The following AADACL4 variants were observed in gnomAD, a reference collection of about 807,000 sequenced individuals.
The protein encoded by AADACL4 is arylacetamide deacetylase like 4, also known as arylacetamide deacetylase-like 4.
AADACL4 carries 9 observed loss-of-function variants against 14.1 expected under a neutral mutation model. The observed-to-expected ratio is 0.64, with a 90% confidence interval of 0.39 to 1.12. AADACL4 has a LOEUF of 1.12. Among genes scored for constraint, AADACL4 ranks in the 50% most tolerant of loss-of-function variants. The probability of loss-of-function intolerance (pLI) is 0.01; values close to 1 mark genes in which losing one functional copy is unlikely to be tolerated. For synonymous variants in AADACL4, 188 were observed against 201.6 expected (o/e 0.93, Z 0.57); for missense variants, 531 against 516.1 (o/e 1.03, Z -0.28).
intron 3 of AADACL4, among the ~76,000 whole-genome samples, chr1:12,662,484 A>G (rs1319828900): frequency 1.3e-5 from 2 of 152,196 alleles, no homozygotes; most frequent in African/African-American, 2.4e-5. Context: ...CTGGTCCTAC[A>G]GGAACTAGTG....
chr1:12,648,972 C>T (rs1382680720), intron 1 of AADACL4, among the ~76,000 whole-genome samples: 1 of 152,142 alleles, frequency 6.6e-6, no homozygotes, highest in African/African-American at 2.4e-5. Flanking sequence ...ACAAACGTTT[C>T]CTGTTCTAGA....
intron 2 of AADACL4, among the ~76,000 whole-genome samples, chr1:12,659,864 G>A (rs1183356350): frequency 1.6e-4 from 25 of 152,078 alleles, no homozygotes; most frequent in South Asian, 2.1e-4. Context: ...TGTTGTCCAG[G>A]CTGGGGTGTA....
chr1:12,657,927 C>G (rs1485374762), intron 2 of AADACL4, among the ~76,000 whole-genome samples: 2 of 152,084 alleles, frequency 1.3e-5, no homozygotes, highest in Non-Finnish European at 2.9e-5. Flanking sequence ...GCTTCTGCAG[C>G]CATTTCAAGT....
intron 1 of AADACL4, among the ~76,000 whole-genome samples, chr1:12,646,055 T>A (rs894574048): frequency 1.3e-5 from 2 of 152,114 alleles, no homozygotes; most frequent in Non-Finnish European, 2.9e-5. Flanking sequence ...GAAACAGTGG[T>A]GTGACATCTT....
chr1:12,654,012 T>C (rs563830865), intron 2 of AADACL4, among the ~76,000 whole-genome samples: 1 of 152,198 alleles, frequency 6.6e-6, no homozygotes, highest in African/African-American at 2.4e-5. Context: ...CCCCAAAGCC[T>C]GGAGGCAGTA....
chr1:12,658,552 C>T (rs537988182), intron 2 of AADACL4, among the ~76,000 whole-genome samples: 4 of 152,294 alleles, frequency 2.6e-5, no homozygotes, highest in Admixed American at 6.5e-5. Context: ...AGCCACCACG[C>T]GTGGCCTGGA....
chr1:12,651,814 C>T (rs1027961390), intron 2 of AADACL4, among the ~76,000 whole-genome samples: 3 of 151,364 alleles, frequency 2.0e-5, no homozygotes, highest in Non-Finnish European at 4.4e-5. Context: ...GGTCCCCATC[C>T]AGCAGCTAGG....
intron 3 of AADACL4, among the ~76,000 whole-genome samples, chr1:12,664,084 T>C (rs1647272526): frequency 6.6e-6 from 1 of 152,210 alleles, no homozygotes; most frequent in African/African-American, 2.4e-5. Context: ...TAGAGTTCCC[T>C]GTGATGCCTT....
At position 12,666,460 on chromosome 1, in the gene AADACL4, C is replaced by T. The variant is rs1647334199; in HGVS notation, c.949C>T (p.His317Tyr). Reference protein sequence around the residue: ...FNEAAYLEAKHMLDVENSPLI... With the variant: ...FNEAAYLEAKYMLDVENSPLI... The stretch of plus-strand genomic sequence containing the variant: ...TGAAGCTGCCTATCTAGAAGCCAAA[C>T]ATATGCTGGATGTAGAAAATTCACC... The change falls in exon 4 of 4, where the codon CAT becomes TAT. Residue 317 changes from histidine to tyrosine, a missense_variant. Physicochemically the swap from His to Tyr is moderately conservative, Grantham distance 83 (BLOSUM62 2). Coordinates refer to ENST00000376221, the MANE Select transcript of AADACL4 (RefSeq NM_001013630.2). 1.2e-6 allele frequency: 2 copies of T among 1,614,232 alleles called. No individual in the cohort carries two copies. Among genetic ancestry groups the T allele is most frequent in the Non-Finnish European group, 1.7e-6 (2 of 1,180,048 alleles).
chr1:12,651,376 C>T (rs745766291), intron 2 of AADACL4, 37 bp downstream of exon 2: 1 of 1,601,352 alleles, frequency 6.2e-7, no homozygotes, highest in East Asian at 2.2e-5. Context: ...GAGGAAGGGC[C>T]TCATCTGCAT....
At position 12,666,356 on chromosome 1, in the gene AADACL4, A is replaced by G. The variant is rs757834078; in HGVS notation, c.845A>G (p.Glu282Gly). The change falls in exon 4 of 4, where the codon GAG becomes GGG. Residue 282 changes from glutamate (E) to glycine (G), a missense_variant. Physicochemically the swap from Glu to Gly is moderately conservative, Grantham distance 98. Transcript: ENST00000376221. The stretch of plus-strand genomic sequence containing the variant: ...CCCCCAGACGTCTGGAGGAAGTACG[A>G]GAAGTGGCTCAGCCCTGACAACATC... ...CVPPDVWRKY[E>G]KWLSPDNIPK... The G allele has an allele frequency of 6.2e-7, 1 of 1,614,166 alleles. No individual in the cohort carries two copies. Among genetic ancestry groups the G allele is most frequent in the South Asian group, 1.1e-5 (1 of 91,084 alleles).
At chr1:12,660,912 G>A (rs2100768238) in intron 2 of AADACL4, among the ~76,000 whole-genome samples, 1 of 152,302 alleles carries the variant, frequency 6.6e-6, no homozygotes, top group South Asian at 2.1e-4. Context: ...AAAGTGCTGG[G>A]ATTACAGGCA....
At chr1:12,651,637 A>G (rs1481442120) in intron 2 of AADACL4, among the ~76,000 whole-genome samples, 3 of 151,878 alleles carry the variant, frequency 2.0e-5, no homozygotes, top group Non-Finnish European at 4.4e-5. Flanking sequence ...TTCTACTCCT[A>G]GTCATTGGCC....
At chr1:12,653,481 T>C (rs1275827968) in intron 2 of AADACL4, among the ~76,000 whole-genome samples, 1 of 152,246 alleles carries the variant, frequency 6.6e-6, no homozygotes, top group Non-Finnish European at 1.5e-5. Context: ...TACAGCCGGA[T>C]AGCCTGTTGG....
Position 12,666,797 on chromosome 1 carries a change from T to G in AADACL4, c.*62T>G. 1 of 1,471,732 alleles carries G rather than the reference T, an allele frequency of 6.8e-7. No individual in the cohort carries two copies. Among genetic ancestry groups the G allele is most frequent in the Non-Finnish European group, 9.1e-7 (1 of 1,101,492 alleles). The allele number at this position is 1,471,732 out of a possible 1,614,324, so 91.2% of individuals were successfully genotyped here. A position where few individuals can be genotyped will look rare whatever the true frequency, so the allele number is the denominator to read the frequency against. On this transcript the variant is annotated 3_prime_UTR_variant, in exon 4 of 4. Transcript: ENST00000376221. ...ATGGACTCTACCAGAAACCGGGTGC[T>G]TTAGTGAGTTCTATTTTATTGACTA... is the stretch of plus-strand genomic sequence containing the variant.
chr1:12,652,271 C>T (rs1647153328), intron 2 of AADACL4, among the ~76,000 whole-genome samples: 1 of 152,172 alleles, frequency 6.6e-6, no homozygotes, highest in Admixed American at 6.5e-5. Flanking sequence ...AGCTGCAGTC[C>T]CAATACGCGT....
intron 1 of AADACL4, 109 bp from the exon 2 acceptor site, chr1:12,651,013 AG>A (rs1647141884): frequency 2.0e-6 from 2 of 1,021,694 alleles, no homozygotes; most frequent in Non-Finnish European, 3.0e-6. Flanking sequence ...TACCTACAGG[AG>A]GCAGGTGAGA....
intron 1 of AADACL4, among the ~76,000 whole-genome samples, chr1:12,647,726 G>T (rs527791390): frequency 6.6e-6 from 1 of 151,656 alleles, no homozygotes; most frequent in African/African-American, 2.4e-5. Context: ...CACAATCATG[G>T]CTTACTGCAG....
At chr1:12,648,426 T>C (rs1647125663) in intron 1 of AADACL4, among the ~76,000 whole-genome samples, 1 of 149,916 alleles carries the variant, frequency 6.7e-6, no homozygotes, top group Non-Finnish European at 1.5e-5. Flanking sequence ...AGATGGAGTC[T>C]CACTCTGTCG....
Sources: gnomAD v4.1 joint callset for allele counts (sites outside exome capture counted in the v4.1 genomes callset) on GRCh38, gnomAD v4.1.1 for gene constraint, MANE v1.5 for transcripts, NCBI Gene and HGNC (gene_info 2026-07-23, HGNC 2026-07-21) for gene names.